The following ULK4 variants were observed in gnomAD, a reference collection of about 807,000 sequenced individuals.
The protein encoded by ULK4 is unc-51 like kinase 4, also known as inactive serine/threonine-protein kinase ULK4.
Under a neutral mutation model 160.6 loss-of-function variants are expected in ULK4, and 133 were observed. That is an observed-to-expected ratio of 0.83 (90% CI 0.72 to 0.96). ULK4 has a LOEUF of 0.96. ULK4 is among the 40% of genes least tolerant of loss of function. The probability of loss-of-function intolerance (pLI) is 0.00; values close to 1 mark genes in which losing one functional copy is unlikely to be tolerated. For missense variants in ULK4, 1,580 were observed against 1,499.5 expected, an observed-to-expected ratio of 1.05 and a Z score of -0.89; for synonymous variants, 534 against 539.8, an observed-to-expected ratio of 0.99 and a Z score of 0.15.
chr3:41,766,264 T>C (rs930655878), intron 21 of ULK4, among the ~76,000 whole-genome samples: 2 of 152,136 alleles, frequency 1.3e-5, no homozygotes, highest in African/African-American at 4.8e-5. Context: ...CAAGACTCTG[T>C]CTCAAAGAAA....
chr3:41,945,169 C>G (rs1280406361), intron 2 of ULK4, among the ~76,000 whole-genome samples: 1 of 152,222 alleles, frequency 6.6e-6, no homozygotes, highest in Non-Finnish European at 1.5e-5. Context: ...ACAGCTATCA[C>G]AGCTGTCAGC....
intron 35 of ULK4, among the ~76,000 whole-genome samples, chr3:41,302,549 T>C (rs1265045673): frequency 6.6e-6 from 1 of 152,218 alleles, no homozygotes; most frequent in Non-Finnish European, 1.5e-5. Flanking sequence ...GGCAGTTTCA[T>C]GAAAACTCCG....
intron 21 of ULK4, among the ~76,000 whole-genome samples, chr3:41,777,515 A>G (rs1299097363): frequency 3.6e-5 from 2 of 55,482 alleles, no homozygotes; most frequent in Admixed American, 1.9e-4. Flanking sequence ...TTGTGATGTT[A>G]GGGTGTCAAT....
chr3:41,648,723 G>C (rs192593178), intron 30 of ULK4, among the ~76,000 whole-genome samples: 3 of 152,170 alleles, frequency 2.0e-5, no homozygotes, highest in African/African-American at 4.8e-5. Context: ...AATGTTGAGG[G>C]AGGAGGGTAG....
chr3:41,891,698 G>A (rs929178089), intron 16 of ULK4, among the ~76,000 whole-genome samples: 6 of 152,152 alleles, frequency 3.9e-5, no homozygotes, highest in African/African-American at 1.2e-4. Flanking sequence ...CCTGAGATCA[G>A]GAGTTGGAGA....
chr3:41,810,519 A>T (rs933438660), intron 19 of ULK4, among the ~76,000 whole-genome samples: 9 of 152,108 alleles, frequency 5.9e-5, no homozygotes, highest in Non-Finnish European at 1.0e-4. Context: ...CTCTTTCTTT[A>T]ATGTTGTGGC....
intron 34 of ULK4, among the ~76,000 whole-genome samples, chr3:41,446,924 C>CA (rs201499839): frequency 1.5e-4 from 22 of 144,460 alleles, no homozygotes; most frequent in South Asian, 4.5e-4. Context: ...AAAAACGTAC[C>CA]AAAAAAAAAA....
chr3:41,441,643 T>C (rs2083172759), intron 34 of ULK4, among the ~76,000 whole-genome samples: 1 of 152,150 alleles, frequency 6.6e-6, no homozygotes, highest in South Asian at 2.1e-4. Context: ...AAATGTTCAG[T>C]GTGCGCTTCC....
chr3:41,271,688 C>T (rs1263870089), intron 35 of ULK4, among the ~76,000 whole-genome samples: 1 of 152,126 alleles, frequency 6.6e-6, no homozygotes, highest in African/African-American at 2.4e-5. Flanking sequence ...GCCACTGCAG[C>T]TGGCCTACTT....
intron 1 of ULK4, among the ~76,000 whole-genome samples, chr3:41,959,289 G>A (rs1245106931): frequency 6.6e-6 from 1 of 151,314 alleles, no homozygotes; most frequent in African/African-American, 2.4e-5. Context: ...GCTTGGACCC[G>A]GGAGGCGGAG....
At chr3:41,454,408 T>G (rs2083492608) in intron 34 of ULK4, among the ~76,000 whole-genome samples, 1 of 149,922 alleles carries the variant, frequency 6.7e-6, no homozygotes, top group Non-Finnish European at 1.5e-5. Flanking sequence ...GGCGTGGTGG[T>G]GGGCACCTGT....
intron 31 of ULK4, among the ~76,000 whole-genome samples, chr3:41,583,710 T>C (rs2030559739): frequency 6.6e-6 from 1 of 152,220 alleles, no homozygotes; most frequent in Non-Finnish European, 1.5e-5. Flanking sequence ...CACTCTTCGA[T>C]GGACTTTTAC....
At chr3:41,356,012 A>G (rs1269744512) in intron 35 of ULK4, among the ~76,000 whole-genome samples, 1 of 152,218 alleles carries the variant, frequency 6.6e-6, no homozygotes, top group African/African-American at 2.4e-5. Flanking sequence ...TCAGATAAGC[A>G]CCTGGATATG....
rs146790831 is a variant in ULK4, at chr3:41,422,627, A to C, written c.3493-24363T>G. On this transcript the variant is annotated intron_variant, in intron 34 of 36. Coordinates refer to ENST00000301831, the MANE Select transcript of ULK4 (RefSeq NM_017886.4). ...TGCTATAGCCGCAGTCCAAATTGAA[A>C]GTTTGTGATACGTCATTTTTACCTA... is the stretch of plus-strand genomic sequence containing the variant. Among the ~76,000 whole-genome samples the C allele has an allele frequency of 3.3e-5, 5 of 152,180 alleles. No homozygotes were observed. In the East Asian group the frequency reaches 7.7e-4, roughly 23 times the overall value.
chr3:41,528,964 C>T (rs2086212157), intron 32 of ULK4, among the ~76,000 whole-genome samples: 1 of 152,170 alleles, frequency 6.6e-6, no homozygotes, highest in African/African-American at 2.4e-5. Context: ...TTCACATGTA[C>T]CTCCAAACCT....
chr3:41,343,157 T>C (rs1378805876), intron 35 of ULK4, among the ~76,000 whole-genome samples: 1 of 152,126 alleles, frequency 6.6e-6, no homozygotes. Flanking sequence ...CAAGATAGTA[T>C]TAGAAGTTTT....
At chr3:41,941,902 A>G (rs1699972454) in intron 2 of ULK4, among the ~76,000 whole-genome samples, 1 of 152,070 alleles carries the variant, frequency 6.6e-6, no homozygotes, top group Non-Finnish European at 1.5e-5. Context: ...AAATAAAGGG[A>G]GCATGGCAAT....
intron 35 of ULK4, among the ~76,000 whole-genome samples, chr3:41,268,821 A>G (rs2079091037): frequency 1.3e-5 from 2 of 150,482 alleles, no homozygotes; most frequent in Non-Finnish European, 3.0e-5. Flanking sequence ...CACAAAAAAA[A>G]AAAAAAAAAA....
At chr3:41,424,879 T>C (rs190447500) in intron 34 of ULK4, among the ~76,000 whole-genome samples, 3 of 134,114 alleles carry the variant, frequency 2.2e-5, no homozygotes, top group Non-Finnish European at 3.1e-5. Context: ...AAAGCCAGAG[T>C]GTCTCTTCTC....
Sources: gnomAD v4.1 joint callset for allele counts (sites outside exome capture counted in the v4.1 genomes callset) on GRCh38, gnomAD v4.1.1 for gene constraint, MANE v1.5 for transcripts, NCBI Gene and HGNC (gene_info 2026-07-23, HGNC 2026-07-21) for gene names.